Variants in ANKRD6 observed in about 807,000 individuals in gnomAD.
The protein encoded by ANKRD6 is ankyrin repeat domain 6, also known as ankyrin repeat domain-containing protein 6.
Under a neutral mutation model 82.3 loss-of-function variants are expected in ANKRD6, and 56 were observed. The ratio of observed to expected loss-of-function variants is 0.68; its 90% confidence interval spans 0.55 to 0.85. The LOEUF (loss-of-function observed/expected upper bound fraction) is 0.85. Ranked by LOEUF, ANKRD6 falls within the 40% of genes least tolerant of loss-of-function variation. ANKRD6 has a pLI of 0.00. For missense variants in ANKRD6, 852 were observed against 907.6 expected (o/e 0.94, Z 0.79); for synonymous variants, 347 against 352.1 (o/e 0.99, Z 0.16).
At chr6:89,471,939 C>CAAAAAA (rs749607605) in intron 1 of ANKRD6, among the ~76,000 whole-genome samples, 23 of 52,530 alleles carry the variant, frequency 4.4e-4, no homozygotes, top group East Asian at 7.2e-4. Flanking sequence ...AACTCCATCT[C>CAAAAAA]AAAAAAAAAA....
chr6:89,576,297 T>G (rs1010918245), intron 2 of ANKRD6, among the ~76,000 whole-genome samples: 4 of 151,928 alleles, frequency 2.6e-5, no homozygotes, highest in African/African-American at 9.6e-5. Flanking sequence ...TGATCCACCC[T>G]CCTCGGCCTC....
intron 1 of ANKRD6, among the ~76,000 whole-genome samples, chr6:89,435,506 T>C (rs564302730): frequency 1.3e-4 from 20 of 152,326 alleles, no homozygotes; most frequent in Admixed American, 2.6e-4. Flanking sequence ...TCAAGGAGCA[T>C]TGTTATTGAA....
chr6:89,447,844 C>T (rs1008279477), intron 1 of ANKRD6, among the ~76,000 whole-genome samples: 5 of 72,720 alleles, frequency 6.9e-5, no homozygotes, highest in African/African-American at 2.1e-4. Context: ...TGTGCCACCA[C>T]GCCCAGCTAA....
At chr6:89,563,077 G>A (rs1158436969) in intron 1 of ANKRD6, among the ~76,000 whole-genome samples, 1 of 152,126 alleles carries the variant, frequency 6.6e-6, no homozygotes, top group Non-Finnish European at 1.5e-5. Context: ...TTGCTTGTCG[G>A]GAGACAGAAC....
chr6:89,497,099 A>C (rs1458814194), intron 1 of ANKRD6, among the ~76,000 whole-genome samples: 2 of 152,116 alleles, frequency 1.3e-5, no homozygotes, highest in Non-Finnish European at 2.9e-5. Flanking sequence ...TTCCCTCCTT[A>C]TCAGGTAGGT....
Position 89,566,982 on chromosome 6 carries a change from C to A in ANKRD6, c.6C>A (p.Ser2Arg). 6.3e-7 allele frequency: 1 copy of A among 1,589,902 alleles called. No homozygotes were observed. The highest frequency in any genetic ancestry group is 2.3e-5 in the East Asian group (1 of 44,046). Reference sequence around the variant, plus strand: ...AAACCTTTCTTTCCTAATTCATGAGCCAGCAAGATGCGGTCGCTGCACTTT... The same window carrying A: ...AAACCTTTCTTTCCTAATTCATGAGACAGCAAGATGCGGTCGCTGCACTTT... Reference protein sequence around the residue: MSQQDAVAALSE... With the variant: MRQQDAVAALSE... Residue 2 changes from serine to arginine, a missense_variant, in exon 2 of 16, where the codon AGC becomes AGA. Coordinates refer to ENST00000339746, the MANE Select transcript of ANKRD6 (RefSeq NM_001242809.2).
chr6:89,607,979 G>A (rs1452571836), intron 5 of ANKRD6, among the ~76,000 whole-genome samples: 1 of 112,158 alleles, frequency 8.9e-6, no homozygotes. Flanking sequence ...CACCATGTTG[G>A]CCAGGCTGGT....
intron 2 of ANKRD6, among the ~76,000 whole-genome samples, chr6:89,575,050 A>G (rs773294823): frequency 2.0e-5 from 3 of 152,204 alleles, no homozygotes; most frequent in Non-Finnish European, 4.4e-5. Flanking sequence ...TGCTGATTGC[A>G]TGGGAAACCC....
At chr6:89,509,585 G>A (rs900243992) in intron 1 of ANKRD6, among the ~76,000 whole-genome samples, 3 of 152,292 alleles carry the variant, frequency 2.0e-5, no homozygotes, top group Non-Finnish European at 4.4e-5. Context: ...AGTTCACACA[G>A]TGCCAATTCA....
At chr6:89,486,337 A>G (rs1054399758) in intron 1 of ANKRD6, among the ~76,000 whole-genome samples, 5 of 152,148 alleles carry the variant, frequency 3.3e-5, no homozygotes, top group African/African-American at 1.2e-4. Context: ...TACATATATG[A>G]AAAAATTATA....
At chr6:89,462,765 T>G (rs906728516) in intron 1 of ANKRD6, among the ~76,000 whole-genome samples, 11 of 152,150 alleles carry the variant, frequency 7.2e-5, no homozygotes. Context: ...AACAAATCTC[T>G]TAAGTTACTG....
In ANKRD6 at chr6:89,577,795, C is replaced by T. The variant is rs1403748345; in HGVS notation, c.120+10699C>T. Among the ~76,000 whole-genome samples, 5 of 152,252 alleles carry T rather than the reference C, an allele frequency of 3.3e-5. No individual in the cohort carries two copies. In the East Asian group the frequency reaches 9.7e-4, roughly 29 times the overall value. ...TTGTGCCACTGCACTCCAGCCTGGG[C>T]ATCAGAGGGAGATCCTGTCTCAAAA... On this transcript the variant is annotated intron_variant, in intron 2 of 15. Coordinates refer to ENST00000339746, the MANE Select transcript of ANKRD6 (RefSeq NM_001242809.2).
At position 89,527,351 on chromosome 6, in the gene ANKRD6, T is replaced by A. The variant is rs535553194; in HGVS notation, c.-143-39483T>A. ...GACTCACGCCTGTAATCCCAGCACT[T>A]TGGGAGGTGAGGAGGGTGGATCACC... On this transcript the variant is annotated intron_variant, in intron 1 of 15. Coordinates refer to ENST00000339746, the MANE Select transcript of ANKRD6 (RefSeq NM_001242809.2). 6.6e-5 allele frequency among the ~76,000 whole-genome samples: 10 copies of A among 151,920 alleles called. No homozygotes were observed. In the East Asian group the frequency reaches 1.7e-3, roughly 26 times the overall value.
In ANKRD6 at chr6:89,606,015, T is replaced by C; in HGVS notation, c.327T>C (p.Asn109=). 3.1e-6 allele frequency: 5 copies of C among 1,592,506 alleles called. No homozygotes were observed. Among genetic ancestry groups the C allele is most frequent in the Non-Finnish European group, 4.3e-6 (5 of 1,167,996 alleles). ...CTGTGTGTCTTCCTTAGGATGGGAA[T>C]ACAGCCTTGCATGAAGCATCCTGGC... ...CALDRQDKDG[N]TALHEASWHG... The change falls in exon 5 of 16, where the codon AAT becomes AAC. Residue 109 remains asparagine (N), a synonymous_variant. Coordinates refer to ENST00000339746, the MANE Select transcript of ANKRD6 (RefSeq NM_001242809.2).
intron 1 of ANKRD6, among the ~76,000 whole-genome samples, chr6:89,489,241 A>C (rs1438185552): frequency 6.6e-6 from 1 of 152,196 alleles, no homozygotes; most frequent in Non-Finnish European, 1.5e-5. Context: ...TCCTTCCCTG[A>C]ACCGGCTGCT....
At chr6:89,626,744 A>G (rs1346164320) in intron 13 of ANKRD6, among the ~76,000 whole-genome samples, 3 of 152,170 alleles carry the variant, frequency 2.0e-5, no homozygotes, top group African/African-American at 4.8e-5. Context: ...TGGCCCTCCT[A>G]GGTGTAGGGG....
intron 2 of ANKRD6, among the ~76,000 whole-genome samples, chr6:89,579,949 C>T (rs916276472): frequency 2.0e-4 from 30 of 151,954 alleles, no homozygotes; most frequent in Admixed American, 9.2e-4. Context: ...ACCTGATTTC[C>T]GGACATACTG....
chr6:89,475,402 A>G (rs1323452453), intron 1 of ANKRD6, among the ~76,000 whole-genome samples: 1 of 152,208 alleles, frequency 6.6e-6, no homozygotes. Context: ...TTAGGAGGTA[A>G]ACAGAAAACA....
intron 1 of ANKRD6, among the ~76,000 whole-genome samples, chr6:89,519,588 C>T (rs1290542080): frequency 6.6e-6 from 1 of 152,184 alleles, no homozygotes; most frequent in Non-Finnish European, 1.5e-5. Context: ...GCTTTGAAGA[C>T]ATCCATGTGG....
Sources: allele counts gnomAD v4.1 joint callset (sites outside exome capture counted in the v4.1 genomes callset), GRCh38; gene constraint gnomAD v4.1.1; transcripts MANE v1.5; gene names NCBI Gene and HGNC (gene_info 2026-07-23, HGNC 2026-07-21).